ZNF536: variants seen among roughly 807,000 people sequenced by gnomAD.
ZNF536 encodes zinc finger protein 536.
ZNF536 carries 13 observed loss-of-function variants against 84.5 expected under a neutral mutation model. The observed-to-expected ratio is 0.15, with a 90% CI of 0.10 to 0.24. The LOEUF (loss-of-function observed/expected upper bound fraction) is 0.24. ZNF536 is among the 10% of genes least tolerant of loss of function. The probability of loss-of-function intolerance (pLI) is 1.00; values close to 1 mark genes in which losing one functional copy is unlikely to be tolerated. For synonymous variants in ZNF536, 811 were observed against 742.5 expected, an observed-to-expected ratio of 1.09 and a Z score of -1.50; for missense variants, 1,536 against 1,747.5, an observed-to-expected ratio of 0.88 and a Z score of 2.16.
At chr19:30,609,048 A>G (rs2047999038) in intron 1 of ZNF536, among the ~76,000 whole-genome samples, 1 of 152,220 alleles carries the variant, frequency 6.6e-6, no homozygotes, top group Admixed American at 6.5e-5. Context: ...TGCTTGCTGA[A>G]TTCGATGGAT....
intron 1 of ZNF536, among the ~76,000 whole-genome samples, chr19:30,583,846 G>C (rs1055834471): frequency 6.6e-6 from 1 of 152,164 alleles, no homozygotes; most frequent in African/African-American, 2.4e-5. Flanking sequence ...CAAGCTTGAC[G>C]AGCTCGGCTA....
chr19:30,523,162 G>A, intron 2 of ZNF536, among the ~76,000 whole-genome samples: 1 of 152,172 alleles, frequency 6.6e-6, no homozygotes, highest in East Asian at 1.9e-4. Flanking sequence ...GGCACTGCCA[G>A]GGACACGAAC....
chr19:30,396,006 A>G (rs899134607), intron 1 of ZNF536, among the ~76,000 whole-genome samples: 1 of 152,172 alleles, frequency 6.6e-6, no homozygotes, highest in African/African-American at 2.4e-5. Context: ...CCATGTTTAC[A>G]TTAGGGTGCA....
chr19:30,673,743 C>G (rs1249745381), intron 1 of ZNF536, among the ~76,000 whole-genome samples: 1 of 152,228 alleles, frequency 6.6e-6, no homozygotes, highest in African/African-American at 2.4e-5. Flanking sequence ...CCAAACCGTG[C>G]ACGGACGCAC....
chr19:30,517,357 G>A (rs1464449803), intron 2 of ZNF536, among the ~76,000 whole-genome samples: 3 of 152,030 alleles, frequency 2.0e-5, no homozygotes, highest in East Asian at 1.9e-4. Flanking sequence ...GGATCATCTC[G>A]GCTGAGATGG....
chr19:30,488,336 T>C (rs549141527), intron 2 of ZNF536, among the ~76,000 whole-genome samples: 61 of 152,256 alleles, frequency 4.0e-4, no homozygotes, highest in Non-Finnish European at 8.2e-4. Context: ...ACCTCCAGCC[T>C]GAATCTCCTC....
intron 4 of ZNF536, chr19:30,556,843 T>C (rs2146363092): frequency 4.2e-6 from 1 of 236,146 alleles, no homozygotes; most frequent in Non-Finnish European, 7.8e-6. Flanking sequence ...GGACCAAGTC[T>C]AGGTGAGAGG....
rs564463347 is a variant in ZNF536 at position 30,290,841 on chromosome 19, C to T, written c.-120+6700C>T. On this transcript the variant is annotated intron_variant, in intron 2 of 5. Coordinates refer to the ZNF536 transcript ENST00000585628. ...TGTCCTAATGGTCTCCCTCCCTTTG[C>T]CCCCCACCCACCAACAGGCCCTGGT... Among the ~76,000 whole-genome samples the T allele has an allele frequency of 5.3e-5, 8 of 152,236 alleles. No homozygotes were observed. The South Asian group carries it at 1.7e-3, about 32-fold the overall frequency.
At chr19:30,675,527 A>T (rs949194143) in intron 1 of ZNF536, among the ~76,000 whole-genome samples, 1 of 152,212 alleles carries the variant, frequency 6.6e-6, no homozygotes, top group African/African-American at 2.4e-5. Flanking sequence ...TTTATTTGAG[A>T]TGTAACCCAT....
chr19:30,319,653 A>G (rs1210979244), intron 2 of ZNF536, among the ~76,000 whole-genome samples: 1 of 152,214 alleles, frequency 6.6e-6, no homozygotes, highest in East Asian at 1.9e-4. Context: ...GTTAAACCAA[A>G]CTCTTATGTA....
chr19:30,651,865 C>T (rs923287884), intron 1 of ZNF536, among the ~76,000 whole-genome samples: 1 of 152,208 alleles, frequency 6.6e-6, no homozygotes, highest in African/African-American at 2.4e-5. Context: ...TTTGTTCTAA[C>T]AGAAGCTTTG....
intron 1 of ZNF536, among the ~76,000 whole-genome samples, chr19:30,630,400 C>A (rs567858407): frequency 6.7e-6 from 1 of 149,898 alleles, no homozygotes; most frequent in African/African-American, 2.5e-5. Flanking sequence ...GGAAGTATCC[C>A]GTGTGTGTGT....
At chr19:30,520,921 C>T (rs1202761575) in intron 2 of ZNF536, among the ~76,000 whole-genome samples, 1 of 152,184 alleles carries the variant, frequency 6.6e-6, no homozygotes, top group East Asian at 1.9e-4. Context: ...CGGAAGTGGC[C>T]TCACCAGACG....
intron 1 of ZNF536, among the ~76,000 whole-genome samples, chr19:30,636,651 G>T (rs568651084): frequency 9.1e-4 from 139 of 152,230 alleles, no homozygotes; most frequent in African/African-American, 3.3e-3. Flanking sequence ...AATATTTTTG[G>T]ACACTCTGGA....
At chr19:30,435,535 GTGA>G (rs1206152771) in intron 1 of ZNF536, among the ~76,000 whole-genome samples, 1 of 151,186 alleles carries the variant, frequency 6.6e-6, no homozygotes, top group African/African-American at 2.4e-5. Context: ...GATGGTGATA[GTGA>G]TGATGATGGT....
At chr19:30,567,930 G>C (rs1171340249) in intron 1 of ZNF536, among the ~76,000 whole-genome samples, 1 of 152,106 alleles carries the variant, frequency 6.6e-6, no homozygotes, top group African/African-American at 2.4e-5. Flanking sequence ...GTCACTCCCC[G>C]ATAGCCAGAC....
At chr19:30,473,168 T>C (rs953772350) in intron 2 of ZNF536, among the ~76,000 whole-genome samples, 3 of 151,968 alleles carry the variant, frequency 2.0e-5, no homozygotes, top group African/African-American at 7.3e-5. Context: ...ATCATGTCAC[T>C]GCACTCCAGC....
chr19:30,419,348 T>G (rs1312940608), intron 1 of ZNF536, among the ~76,000 whole-genome samples: 1 of 152,238 alleles, frequency 6.6e-6, no homozygotes, highest in Admixed American at 6.5e-5. Flanking sequence ...GCTGATAGCA[T>G]TCTAGGTTTG....
At chr19:30,511,388 C>A (rs771950699) in intron 2 of ZNF536, among the ~76,000 whole-genome samples, 1 of 152,168 alleles carries the variant, frequency 6.6e-6, no homozygotes, top group Non-Finnish European at 1.5e-5. Flanking sequence ...AAAAAGCCTT[C>A]AGGTTCATGA....
Sources: gnomAD v4.1 joint callset for allele counts (sites outside exome capture counted in the v4.1 genomes callset) on GRCh38, gnomAD v4.1.1 for gene constraint, MANE v1.5 for transcripts, NCBI Gene and HGNC (gene_info 2026-07-23, HGNC 2026-07-21) for gene names.